TMEM132B: variants seen among roughly 807,000 people sequenced by gnomAD.
TMEM132B encodes the protein transmembrane protein 132B.
In TMEM132B, 18 loss-of-function variants were observed where a neutral mutation model predicts 90.8. The ratio of observed to expected loss-of-function variants is 0.20; its 90% CI spans 0.14 to 0.29. TMEM132B has a LOEUF of 0.29. Among genes scored for constraint, TMEM132B ranks in the 10% least tolerant of loss-of-function variants. The probability of loss-of-function intolerance (pLI) is 1.00; values close to 1 mark genes in which losing one functional copy is unlikely to be tolerated. For synonymous variants in TMEM132B, 504 were observed against 523.3 expected (o/e 0.96, Z 0.50); for missense variants, 1,096 against 1,326.8 (o/e 0.83, Z 2.70).
intron 3 of TMEM132B, among the ~76,000 whole-genome samples, chr12:125,472,930 T>C (rs1254812477): frequency 2.6e-5 from 4 of 152,318 alleles, no homozygotes; most frequent in Middle Eastern, 3.4e-3. Context: ...AGTCCAGTTA[T>C]GTTTTCAGTT....
rs951862351 is a variant in TMEM132B, at chr12:125,445,776, C to T, written c.1106+30099C>T. ...CTGCTTACCCCACCAGCCTGCACCG[C>T]GGAGAGTTGGCTCCTTTGACTTGGA... On this transcript the variant is annotated intron_variant, in intron 3 of 8. Transcript: ENST00000682704. This position sits in a 1 kb window ranked among gnomAD's most constrained non-coding sequence, Gnocchi z 4.3. Among the ~76,000 whole-genome samples, 10 of 152,290 alleles carry T rather than the reference C, an allele frequency of 6.6e-5. No homozygotes were observed. Among genetic ancestry groups the T allele is most frequent in the South Asian group, 2.1e-4 (1 of 4,824 alleles).
At chr12:125,430,314 T>C (rs1239684940) in intron 3 of TMEM132B, among the ~76,000 whole-genome samples, 1 of 152,180 alleles carries the variant, frequency 6.6e-6, no homozygotes, top group Middle Eastern at 3.2e-3. Context: ...TGTCACATCA[T>C]TGATCAGAAT....
chr12:125,228,253 A>G (rs1028891911), intron 1 of TMEM132B, among the ~76,000 whole-genome samples: 11 of 152,086 alleles, frequency 7.2e-5, no homozygotes, highest in African/African-American at 2.7e-4. Context: ...GACTGGCCAG[A>G]ATTCCCTTGG....
chr12:125,387,506 C>T (rs1159749755), intron 2 of TMEM132B, among the ~76,000 whole-genome samples: 3 of 152,250 alleles, frequency 2.0e-5, no homozygotes, highest in African/African-American at 7.2e-5. Flanking sequence ...CCCCACTTCA[C>T]ATGTCACAGG....
intron 5 of TMEM132B, among the ~76,000 whole-genome samples, chr12:125,606,886 T>C (rs1885709719): frequency 6.6e-6 from 1 of 152,158 alleles, no homozygotes; most frequent in African/African-American, 2.4e-5. Flanking sequence ...TCCTCACAGC[T>C]CATTGGCCAG....
intron 1 of TMEM132B, among the ~76,000 whole-genome samples, chr12:125,276,732 A>C (rs965926890): frequency 3.3e-5 from 5 of 152,174 alleles, no homozygotes; most frequent in African/African-American, 1.2e-4. Flanking sequence ...TGTCAGTCAA[A>C]TGGCGGAAGC....
intron 4 of TMEM132B, among the ~76,000 whole-genome samples, chr12:125,581,204 T>G (rs532935655): frequency 6.6e-6 from 1 of 152,310 alleles, no homozygotes; most frequent in East Asian, 1.9e-4. Context: ...CTTTGAAGGC[T>G]GTGAGCTTCT....
intron 2 of TMEM132B, among the ~76,000 whole-genome samples, chr12:125,355,730 T>A (rs777590505): frequency 2.0e-5 from 3 of 152,166 alleles, no homozygotes; most frequent in Non-Finnish European, 4.4e-5. Context: ...CTGGCTTAGG[T>A]GAGGACCCAG....
chr12:125,619,985 T>C (rs1886081639), intron 5 of TMEM132B, among the ~76,000 whole-genome samples: 1 of 152,178 alleles, frequency 6.6e-6, no homozygotes, highest in African/African-American at 2.4e-5. Flanking sequence ...AATATCCATC[T>C]TGAGTGAGTA....
In TMEM132B at chr12:125,213,582, G is replaced by T. The variant is rs1873369513; in HGVS notation, c.67+26716G>T. ...TCTAACTGGTCACTCTCTGGCTTCT[G>T]ATTCAGTGATGGCTTCTCCAGCCTA... On this transcript the variant is annotated intron_variant, in intron 1 of 8. Coordinates refer to ENST00000682704, the MANE Select transcript of TMEM132B (RefSeq NM_001366854.1). This position sits in a 1 kb window ranked among gnomAD's most constrained non-coding sequence, Gnocchi z 4.2. Among the ~76,000 whole-genome samples the T allele has an allele frequency of 6.6e-6, 1 of 152,226 alleles. No homozygotes were observed. Among genetic ancestry groups the T allele is most frequent in the Non-Finnish European group, 1.5e-5 (1 of 68,042 alleles).
At chr12:125,326,634 C>T in intron 1 of TMEM132B, 2 of 1,607,496 alleles carry the variant, frequency 1.2e-6, no homozygotes, top group East Asian at 2.2e-5. Context: ...ATGTTTGGTG[C>T]AGCATCCAGA....
chr12:125,276,783 A>G (rs1037661398), intron 1 of TMEM132B, among the ~76,000 whole-genome samples: 9 of 152,316 alleles, frequency 5.9e-5, no homozygotes, highest in Middle Eastern at 3.4e-3. Flanking sequence ...AACAACTGTC[A>G]GCGCCGGTGA....
intron 3 of TMEM132B, among the ~76,000 whole-genome samples, chr12:125,437,636 C>A (rs1307903333): frequency 6.6e-6 from 1 of 152,006 alleles, no homozygotes; most frequent in Non-Finnish European, 1.5e-5. Context: ...TGTTATTCAG[C>A]CAAGAAAAGG....
At chr12:125,487,188 A>T (rs1020340030) in intron 3 of TMEM132B, among the ~76,000 whole-genome samples, 2 of 152,208 alleles carry the variant, frequency 1.3e-5, no homozygotes, top group Non-Finnish European at 2.9e-5. Context: ...CTTTCACAGG[A>T]AATGCAAAAA....
intron 1 of TMEM132B, among the ~76,000 whole-genome samples, chr12:125,263,642 G>C (rs1360540183): frequency 1.3e-5 from 2 of 152,160 alleles, no homozygotes; most frequent in Non-Finnish European, 2.9e-5. Context: ...TGAATGAAGT[G>C]TTTCAAAAAT....
intron 2 of TMEM132B, among the ~76,000 whole-genome samples, chr12:125,352,264 G>T (rs763647370): frequency 1.3e-5 from 2 of 152,214 alleles, no homozygotes; most frequent in African/African-American, 4.8e-5. Flanking sequence ...CTAAATATAC[G>T]AAAGAGCTTT....
intron 1 of TMEM132B, among the ~76,000 whole-genome samples, chr12:125,302,112 A>C (rs1875843115): frequency 6.6e-6 from 1 of 152,072 alleles, no homozygotes; most frequent in African/African-American, 2.4e-5. Context: ...AGGCAAGAGA[A>C]TTGCTTGAAC....
chr12:125,390,705 A>G (rs1316605860), intron 2 of TMEM132B, among the ~76,000 whole-genome samples: 4 of 152,220 alleles, frequency 2.6e-5, no homozygotes, highest in South Asian at 2.1e-4. Context: ...AGAGGGCCAC[A>G]TGGTGAACTG....
At chr12:125,471,453 ATT>A (rs1290385040) in intron 3 of TMEM132B, among the ~76,000 whole-genome samples, 5 of 152,220 alleles carry the variant, frequency 3.3e-5, no homozygotes, top group South Asian at 4.1e-4. Context: ...GGCAGTGAGC[ATT>A]TGGCTGACTT....
Sources: allele counts gnomAD v4.1 joint callset (sites outside exome capture counted in the v4.1 genomes callset), GRCh38; gene constraint gnomAD v4.1.1; non-coding constraint Gnocchi (gnomAD v3.1); transcripts MANE v1.5; gene names NCBI Gene and HGNC (gene_info 2026-07-23, HGNC 2026-07-21).